The following DOCK3 variants were observed in gnomAD, a reference collection of about 807,000 sequenced individuals.
DOCK3 encodes the protein dedicator of cytokinesis protein 3.
A neutral mutation model predicts 265.6 loss-of-function variants in DOCK3; 60 were observed. That is an observed-to-expected ratio of 0.23 (90% CI 0.18 to 0.28). The LOEUF (loss-of-function observed/expected upper bound fraction) is 0.28, where lower values mean the gene tolerates loss of function less well. DOCK3 is among the 10% of genes least tolerant of loss of function. The probability of loss-of-function intolerance (pLI) is 1.00; values close to 1 mark genes in which losing one functional copy is unlikely to be tolerated. For missense variants in DOCK3, 1,981 were observed against 2,594.3 expected, an observed-to-expected ratio of 0.76 and a Z score of 5.14; for synonymous variants, 881 against 938.0, an observed-to-expected ratio of 0.94 and a Z score of 1.11.
chr3:50,933,540 G>T (rs1305413639), intron 4 of DOCK3, among the ~76,000 whole-genome samples: 2 of 151,772 alleles, frequency 1.3e-5, no homozygotes, highest in East Asian at 3.9e-4. Flanking sequence ...TAATTGTGTG[G>T]GTTCCTCCCC....
At chr3:50,947,226 T>C (rs1235025119) in intron 5 of DOCK3, among the ~76,000 whole-genome samples, 1 of 152,168 alleles carries the variant, frequency 6.6e-6, no homozygotes, top group Non-Finnish European at 1.5e-5. Context: ...TTCTTCAAAA[T>C]GTGATTTATT....
intron 1 of DOCK3, among the ~76,000 whole-genome samples, chr3:50,747,838 T>G (rs541154648): frequency 6.7e-6 from 1 of 149,940 alleles, no homozygotes; most frequent in Non-Finnish European, 1.5e-5. Context: ...CACTCCCACC[T>G]GGGTGACAGA....
At chr3:50,786,645 C>A in intron 2 of DOCK3, 1 of 597,016 alleles carries the variant, frequency 1.7e-6, no homozygotes. Context: ...TAAAGTTGTC[C>A]TTACTCTGGC....
At chr3:50,825,835 T>C (rs1384469447) in intron 2 of DOCK3, among the ~76,000 whole-genome samples, 3 of 152,210 alleles carry the variant, frequency 2.0e-5, no homozygotes, top group African/African-American at 4.8e-5. Context: ...CCCCTTGTTA[T>C]GATGCTGAAG....
At position 50,881,809 on chromosome 3, in the gene DOCK3, A is replaced by T. The variant is rs1396523960; in HGVS notation, c.163-8217A>T. ...CCAAAAAGGAGCCCGCATTGCCCAG[A>T]CAATCCTCAGCCAAAAGAACAAAGC... On this transcript the variant is annotated intron_variant, in intron 3 of 52. Transcript: ENST00000266037. Among the ~76,000 whole-genome samples the T allele has an allele frequency of 3.3e-5, 5 of 152,258 alleles. No individual in the cohort carries two copies. In the East Asian group the frequency reaches 7.7e-4, roughly 23 times the overall value.
intron 4 of DOCK3, among the ~76,000 whole-genome samples, chr3:50,926,612 T>C (rs892176533): frequency 6.6e-6 from 1 of 152,196 alleles, no homozygotes; most frequent in Non-Finnish European, 1.5e-5. Flanking sequence ...AAAGTGGGAC[T>C]TGAAAGGGAA....
At chr3:51,225,562 A>G in intron 14 of DOCK3, 87 bp from the exon 15 acceptor site, 1 of 1,509,068 alleles carries the variant, frequency 6.6e-7, no homozygotes, top group Non-Finnish European at 8.8e-7. Flanking sequence ...CAAGCCCCAG[A>G]AGATCCAAAT....
intron 40 of DOCK3, among the ~76,000 whole-genome samples, chr3:51,352,364 C>T (rs2086051444): frequency 6.6e-6 from 1 of 152,310 alleles, no homozygotes; most frequent in South Asian, 2.1e-4. Flanking sequence ...AGCAGGAATG[C>T]TCCATCGTAG....
At chr3:50,883,958 T>G (rs1462922850) in intron 3 of DOCK3, among the ~76,000 whole-genome samples, 1 of 152,206 alleles carries the variant, frequency 6.6e-6, no homozygotes, top group Non-Finnish European at 1.5e-5. Flanking sequence ...TCTGAATATT[T>G]CATGTAAATG....
At chr3:50,913,780 G>A (rs2107949735) in intron 4 of DOCK3, among the ~76,000 whole-genome samples, 1 of 152,168 alleles carries the variant, frequency 6.6e-6, no homozygotes, top group East Asian at 1.9e-4. Context: ...TCTCTTCAGT[G>A]CACAGGAACC....
chr3:50,968,830 G>A (rs991082953), intron 5 of DOCK3, among the ~76,000 whole-genome samples: 7 of 152,282 alleles, frequency 4.6e-5, no homozygotes, highest in Admixed American at 6.5e-5. Context: ...GATTACAGGC[G>A]TGAGCCACTG....
chr3:50,748,772 G>A (rs1204331592), intron 1 of DOCK3, among the ~76,000 whole-genome samples: 1 of 152,092 alleles, frequency 6.6e-6, no homozygotes, highest in Non-Finnish European at 1.5e-5. Flanking sequence ...AGGTTACCTT[G>A]AATAGAGGAT....
intron 21 of DOCK3, among the ~76,000 whole-genome samples, chr3:51,238,198 A>C (rs1321492406): frequency 3.4e-5 from 4 of 118,752 alleles, no homozygotes; most frequent in Admixed American, 2.5e-4. Context: ...GCTGGAGTGC[A>C]GTGGCGCAAT....
At chr3:51,086,980 TAA>T (rs2082451123) in intron 7 of DOCK3, among the ~76,000 whole-genome samples, 1 of 152,040 alleles carries the variant, frequency 6.6e-6, no homozygotes, top group South Asian at 2.1e-4. Flanking sequence ...AAATCAGTAA[TAA>T]AAAGTCATTC....
At chr3:50,745,072 T>C (rs2039336861) in intron 1 of DOCK3, among the ~76,000 whole-genome samples, 3 of 152,186 alleles carry the variant, frequency 2.0e-5, no homozygotes, top group Admixed American at 2.0e-4. Flanking sequence ...AAATTTAGGA[T>C]GTATTTTTCT....
chr3:50,905,689 A>G (rs1207977252), intron 4 of DOCK3, among the ~76,000 whole-genome samples: 1 of 152,088 alleles, frequency 6.6e-6, no homozygotes, highest in African/African-American at 2.4e-5. Flanking sequence ...TTCTAAATAT[A>G]CAATCATGTC....
chr3:50,833,082 A>C (rs2045288592), intron 2 of DOCK3, among the ~76,000 whole-genome samples: 1 of 152,174 alleles, frequency 6.6e-6, no homozygotes, highest in Non-Finnish European at 1.5e-5. Flanking sequence ...TGTTGGAACC[A>C]AGCTGATATG....
chr3:50,890,561 T>A (rs2048591565), intron 4 of DOCK3, among the ~76,000 whole-genome samples: 1 of 152,106 alleles, frequency 6.6e-6, no homozygotes, highest in South Asian at 2.1e-4. Context: ...AAGAAATAAA[T>A]ATATCAAAAT....
chr3:51,227,404 T>G lies in DOCK3; in HGVS notation c.1499T>G (p.Phe500Cys). 6.2e-7 allele frequency: 1 copy of G among 1,613,840 alleles called. No individual in the cohort carries two copies. The highest frequency in any genetic ancestry group is 2.2e-5 in the East Asian group (1 of 44,882). ...IIKLPIPIDRFRGSHLRFEFR... is the reference protein window; with the variant it reads ...IIKLPIPIDRCRGSHLRFEFR... ...AAATTGCCTATCCCCATTGACCGGT[T>G]CCGGGGCTCCCACCTGCGCTTTGAG... The change falls in exon 16 of 53, where the codon TTC becomes TGC. Residue 500 changes from phenylalanine (F) to cysteine (C), a missense_variant. Transcript: ENST00000266037.
Sources: gnomAD v4.1 joint callset for allele counts (sites outside exome capture counted in the v4.1 genomes callset) on GRCh38, gnomAD v4.1.1 for gene constraint, MANE v1.5 for transcripts, NCBI Gene and HGNC (gene_info 2026-07-23, HGNC 2026-07-21) for gene names.